ZNF385B: variants seen among roughly 807,000 people sequenced by gnomAD.
The protein encoded by ZNF385B is zinc finger protein 385B.
Under a neutral mutation model 39.2 loss-of-function variants are expected in ZNF385B, and 23 were observed. The observed-to-expected ratio is 0.59, with a 90% confidence interval of 0.42 to 0.83. The LOEUF is 0.83. Ranked by LOEUF, ZNF385B falls within the 40% of genes least tolerant of loss-of-function variation. ZNF385B has a pLI of 0.00. For synonymous variants in ZNF385B, 205 were observed against 222.6 expected, an observed-to-expected ratio of 0.92 and a Z score of 0.70; for missense variants, 552 against 598.9, an observed-to-expected ratio of 0.92 and a Z score of 0.82.
chr2:179,750,039 C>T (rs1702583838), intron 3 of ZNF385B, among the ~76,000 whole-genome samples: 1 of 152,028 alleles, frequency 6.6e-6, no homozygotes, highest in African/African-American at 2.4e-5. Flanking sequence ...GTACTTAATC[C>T]ACACACTTGT....
At chr2:179,646,727 T>C (rs1448142989) in intron 3 of ZNF385B, among the ~76,000 whole-genome samples, 2 of 152,186 alleles carry the variant, frequency 1.3e-5, no homozygotes, top group Non-Finnish European at 2.9e-5. Context: ...GTGAGTACAT[T>C]TATAAAAATG....
At chr2:179,845,108 T>G (rs926087023) in intron 1 of ZNF385B, among the ~76,000 whole-genome samples, 7 of 152,200 alleles carry the variant, frequency 4.6e-5, no homozygotes, top group Non-Finnish European at 1.0e-4. Flanking sequence ...CTAATAGCCC[T>G]ACACGTAGAA....
chr2:179,617,749 G>A (rs1332465088), intron 3 of ZNF385B, among the ~76,000 whole-genome samples: 3 of 152,148 alleles, frequency 2.0e-5, no homozygotes, highest in Admixed American at 2.0e-4. Context: ...ACATGTGCTT[G>A]TTTGTTACAT....
At chr2:179,780,039 T>G (rs1212306098) in intron 1 of ZNF385B, among the ~76,000 whole-genome samples, 1 of 152,122 alleles carries the variant, frequency 6.6e-6, no homozygotes, top group Non-Finnish European at 1.5e-5. Flanking sequence ...TTGCGGCAGC[T>G]GGGCCTAGGA....
In ZNF385B at chr2:179,834,852, A is replaced by G. The variant is rs553105698; in HGVS notation, c.-155+26249T>C. On this transcript the variant is annotated intron_variant, in intron 1 of 9. Coordinates refer to ENST00000410066, the MANE Select transcript of ZNF385B (RefSeq NM_152520.6). Reference sequence around the variant, plus strand: ...CTCCTGGTATTATATACTATGAAGGACACAACAACGCCCATGAAGGATGCC... The same window carrying G: ...CTCCTGGTATTATATACTATGAAGGGCACAACAACGCCCATGAAGGATGCC... 2.0e-5 allele frequency among the ~76,000 whole-genome samples: 3 copies of G among 152,352 alleles called. No individual in the cohort carries two copies. The East Asian group carries it at 5.8e-4, about 29-fold the overall frequency.
At chr2:179,592,857 C>T (rs1196801793) in intron 3 of ZNF385B, among the ~76,000 whole-genome samples, 1 of 152,000 alleles carries the variant, frequency 6.6e-6, no homozygotes, top group South Asian at 2.1e-4. Context: ...TGAGAGCAGG[C>T]CCCAATGGAT....
At chr2:179,519,596 T>C in intron 4 of ZNF385B, among the ~76,000 whole-genome samples, 1 of 152,180 alleles carries the variant, frequency 6.6e-6, no homozygotes. Flanking sequence ...AACACCTAGA[T>C]CTGCAGAGCC....
chr2:179,856,856 C>T (rs1470106204), intron 1 of ZNF385B, among the ~76,000 whole-genome samples: 1 of 152,156 alleles, frequency 6.6e-6, no homozygotes, highest in Non-Finnish European at 1.5e-5. Context: ...TCCAAGCCCA[C>T]AGTACTTTCA....
At chr2:179,475,750 A>C in intron 6 of ZNF385B, among the ~76,000 whole-genome samples, 2 of 88 alleles carry the variant, frequency 0.023, no homozygotes, top group Admixed American at 0.056. Context: ...TTTCACTGAA[A>C]CATGTCGAAA....
intron 6 of ZNF385B, among the ~76,000 whole-genome samples, chr2:179,468,081 A>G (rs1354122450): frequency 2.0e-5 from 3 of 152,184 alleles, no homozygotes; most frequent in Non-Finnish European, 4.4e-5. Flanking sequence ...TAAGCATCAT[A>G]TGACAACTAC....
At chr2:179,657,179 T>C (rs1309087801) in intron 3 of ZNF385B, among the ~76,000 whole-genome samples, 2 of 152,158 alleles carry the variant, frequency 1.3e-5, no homozygotes, top group Non-Finnish European at 2.9e-5. Flanking sequence ...CCGTTGAACA[T>C]ATTAACACAA....
intron 1 of ZNF385B, among the ~76,000 whole-genome samples, chr2:179,811,325 C>A (rs1431870845): frequency 6.6e-6 from 1 of 151,990 alleles, no homozygotes; most frequent in Admixed American, 6.6e-5. Context: ...TCATATAGAA[C>A]CAAAAAAGAG....
intron 1 of ZNF385B, among the ~76,000 whole-genome samples, chr2:179,842,888 A>G (rs943797712): frequency 2.6e-5 from 4 of 152,212 alleles, no homozygotes; most frequent in African/African-American, 9.7e-5. Flanking sequence ...CATTCTTAAA[A>G]GGAAACTGAT....
intron 3 of ZNF385B, among the ~76,000 whole-genome samples, chr2:179,615,866 T>G (rs1020276088): frequency 2.0e-5 from 3 of 152,244 alleles, no homozygotes; most frequent in African/African-American, 7.2e-5. Flanking sequence ...TTACCATCAG[T>G]AATCTCTGGG....
intron 3 of ZNF385B, among the ~76,000 whole-genome samples, chr2:179,547,411 T>C (rs911011253): frequency 2.7e-5 from 4 of 149,588 alleles, no homozygotes; most frequent in Admixed American, 6.7e-5. Context: ...CAGATAGGGG[T>C]CTACTTTCAT....
At chr2:179,799,198 T>A (rs1348207204) in intron 1 of ZNF385B, among the ~76,000 whole-genome samples, 1 of 152,102 alleles carries the variant, frequency 6.6e-6, no homozygotes, top group Middle Eastern at 3.2e-3. Flanking sequence ...ATAATGATTA[T>A]ACTGATTCAG....
At chr2:179,577,224 G>A (rs569443969) in intron 3 of ZNF385B, among the ~76,000 whole-genome samples, 2 of 152,022 alleles carry the variant, frequency 1.3e-5, no homozygotes, top group Admixed American at 6.6e-5. Context: ...GGACTAAAGG[G>A]ATCTTATTTT....
At chr2:179,773,327 C>A (rs1301113684) in intron 1 of ZNF385B, among the ~76,000 whole-genome samples, 1 of 152,194 alleles carries the variant, frequency 6.6e-6, no homozygotes, top group African/African-American at 2.4e-5. Context: ...TTCCTCAACT[C>A]AAGTCAATCG....
intron 1 of ZNF385B, chr2:179,814,164 G>A: frequency 6.0e-6 from 1 of 167,768 alleles, no homozygotes; most frequent in South Asian, 1.4e-4. Flanking sequence ...GGGCAGAAGG[G>A]GCTGGGGAGT....
Sources: gnomAD v4.1 joint callset for allele counts (sites outside exome capture counted in the v4.1 genomes callset) on GRCh38, gnomAD v4.1.1 for gene constraint, MANE v1.5 for transcripts, NCBI Gene and HGNC (gene_info 2026-07-23, HGNC 2026-07-21) for gene names.